The following ATXN7L1 variants were observed in gnomAD, a reference collection of about 807,000 sequenced individuals.
ATXN7L1 encodes ataxin-7-like protein 1.
In ATXN7L1, 15 loss-of-function variants were observed where a neutral mutation model predicts 70.8. That is an observed-to-expected ratio of 0.21 (90% CI 0.14 to 0.33). The LOEUF (loss-of-function observed/expected upper bound fraction) is 0.33, where lower values mean the gene tolerates loss of function less well. Ranked by LOEUF, ATXN7L1 falls within the 10% of genes least tolerant of loss-of-function variation. The pLI, the probability that ATXN7L1 is intolerant of heterozygous loss-of-function variation, is 1.00. For synonymous variants in ATXN7L1, 440 were observed against 445.1 expected (o/e 0.99, Z 0.14); for missense variants, 975 against 1,097.1 (o/e 0.89, Z 1.57).
At position 105,656,473 on chromosome 7, in the gene ATXN7L1, C is replaced by T. The variant is rs565524584; in HGVS notation, c.578+8593G>A. On this transcript the variant is annotated intron_variant, in intron 4 of 11. Transcript: ENST00000419735. The stretch of plus-strand genomic sequence containing the variant: ...GAAGGGGCCTCTGAGAGGCTGAGTA[C>T]AGGGCTGGGGATGCTGGGCAGCCTG... Among the ~76,000 whole-genome samples the T allele has an allele frequency of 9.4e-4, 143 of 152,240 alleles. 1 individual carries two copies. The highest frequency in any genetic ancestry group is 3.4e-3 in the African/African-American group (141 of 41,536).
At chr7:105,861,873 A>C (rs1816695557) in intron 2 of ATXN7L1, among the ~76,000 whole-genome samples, 1 of 152,242 alleles carries the variant, frequency 6.6e-6, no homozygotes, top group South Asian at 2.1e-4. Flanking sequence ...TCCATTTGGA[A>C]AGCAAATAAG....
intron 9 of ATXN7L1, among the ~76,000 whole-genome samples, chr7:105,619,140 G>GTTTTTGTTTTTTTT (rs1794384009): frequency 4.0e-5 from 2 of 49,844 alleles, no homozygotes; most frequent in Admixed American, 4.0e-4. Flanking sequence ...GAAATCTTTA[G>GTTTTTGTTTTTTTT]TTTTTTTTTT....
rs779503552 is a variant in ATXN7L1, at chr7:105,737,730, CA to C, written c.355+50873del. Among the ~76,000 whole-genome samples the C allele has an allele frequency of 3.0e-4, 45 of 152,132 alleles. 2 individuals are homozygous for C. Among genetic ancestry groups the C allele is most frequent in the Admixed American group, 1.2e-3 (18 of 15,278 alleles). ...TAGCTAACCCCAAATTCTCATTAAACAAAACAAAACATAAAAATAATGAAGG... is the reference window on the plus strand; with the variant it reads ...TAGCTAACCCCAAATTCTCATTAAACAAACAAAACATAAAAATAATGAAGG... On this transcript the variant is annotated intron_variant, in intron 3 of 11. Coordinates refer to ENST00000419735, the MANE Select transcript of ATXN7L1 (RefSeq NM_020725.2).
At chr7:105,814,304 ACTTGAT>A (rs1808868577) in intron 2 of ATXN7L1, among the ~76,000 whole-genome samples, 1 of 152,022 alleles carries the variant, frequency 6.6e-6, no homozygotes, top group African/African-American at 2.4e-5. Context: ...AACTCAATAA[ACTTGAT>A]CTTTGCCCCG....
At chr7:105,688,842 G>C (rs1005649801) in intron 3 of ATXN7L1, among the ~76,000 whole-genome samples, 13 of 152,206 alleles carry the variant, frequency 8.5e-5, no homozygotes, top group African/African-American at 2.7e-4. Context: ...GAAAATGTAT[G>C]ACTCCAGGTC....
intron 2 of ATXN7L1, among the ~76,000 whole-genome samples, chr7:105,859,269 G>A (rs1816198025): frequency 6.6e-6 from 1 of 152,046 alleles, no homozygotes; most frequent in Non-Finnish European, 1.5e-5. Flanking sequence ...TGTATGATGA[G>A]GCTCTGAGAA....
intron 3 of ATXN7L1, among the ~76,000 whole-genome samples, chr7:105,710,920 G>A (rs1793829620): frequency 6.6e-6 from 1 of 152,168 alleles, no homozygotes; most frequent in Admixed American, 6.5e-5. Flanking sequence ...AGAAGGCAAG[G>A]AGGAGCAAGT....
At chr7:105,774,964 C>T (rs548449235) in intron 3 of ATXN7L1, among the ~76,000 whole-genome samples, 1 of 152,246 alleles carries the variant, frequency 6.6e-6, no homozygotes, top group South Asian at 2.1e-4. Context: ...AATCTTAAGA[C>T]ATCTGTAGTT....
intron 2 of ATXN7L1, among the ~76,000 whole-genome samples, chr7:105,809,252 C>T (rs1808065296): frequency 6.6e-6 from 1 of 152,170 alleles, no homozygotes; most frequent in Non-Finnish European, 1.5e-5. Flanking sequence ...TTTTAAAAAA[C>T]AAGTTGTGGT....
chr7:105,742,672 G>A (rs902208534), intron 3 of ATXN7L1, among the ~76,000 whole-genome samples: 6 of 152,200 alleles, frequency 3.9e-5, no homozygotes, highest in African/African-American at 1.2e-4. Context: ...CTTACTCTGG[G>A]CAGGCACTTT....
At chr7:105,822,730 A>G (rs1047624077) in intron 2 of ATXN7L1, among the ~76,000 whole-genome samples, 3 of 152,252 alleles carry the variant, frequency 2.0e-5, no homozygotes, top group African/African-American at 7.2e-5. Context: ...CTTGCCCAGT[A>G]TCTCATAGCT....
chr7:105,721,431 GCTCAT>G (rs1795170908), intron 3 of ATXN7L1, among the ~76,000 whole-genome samples: 1 of 152,186 alleles, frequency 6.6e-6, no homozygotes, highest in South Asian at 2.1e-4. Context: ...CCTTGGAGCA[GCTCAT>G]CACTAATCAC....
chr7:105,638,288 A>G (rs1166089935), intron 7 of ATXN7L1, 65 bp downstream of exon 7: 30 of 1,492,886 alleles, frequency 2.0e-5, no homozygotes, highest in Non-Finnish European at 2.7e-5. Context: ...ACCACATGCC[A>G]CAGACCCAGC....
chr7:105,753,811 A>G (rs896814845), intron 3 of ATXN7L1, among the ~76,000 whole-genome samples: 1 of 152,210 alleles, frequency 6.6e-6, no homozygotes, highest in African/African-American at 2.4e-5. Context: ...TATGTTCACT[A>G]TTTATGGGAG....
At chr7:105,637,337 A>T (rs577152615) in intron 7 of ATXN7L1, among the ~76,000 whole-genome samples, 1 of 152,156 alleles carries the variant, frequency 6.6e-6, no homozygotes, top group Non-Finnish European at 1.5e-5. Context: ...TTCTTTTACG[A>T]CTATGTCCTC....
intron 4 of ATXN7L1, among the ~76,000 whole-genome samples, chr7:105,654,658 A>G (rs1406383329): frequency 1.3e-5 from 2 of 152,208 alleles, no homozygotes; most frequent in Non-Finnish European, 2.9e-5. Flanking sequence ...GGGCTATCAA[A>G]ACATCTAAAA....
At chr7:105,668,596 A>G (rs1223156853) in intron 3 of ATXN7L1, among the ~76,000 whole-genome samples, 1 of 152,082 alleles carries the variant, frequency 6.6e-6, no homozygotes, top group African/African-American at 2.4e-5. Flanking sequence ...TAATTTTTAT[A>G]TTTTTAGTAG....
intron 7 of ATXN7L1, 30 bp downstream of exon 7, chr7:105,638,323 C>A: frequency 6.5e-7 from 1 of 1,535,282 alleles, no homozygotes; most frequent in South Asian, 1.2e-5. Context: ...ACCAAGCATT[C>A]AGGGCTTCTA....
rs373925810 is a variant in ATXN7L1, at chr7:105,730,609, G to A, written c.355+57995C>T. On this transcript the variant is annotated intron_variant, in intron 3 of 11. Transcript: ENST00000419735. ...TAGCTGGGCGTGGTGGCATGTGCCT[G>A]TAATCCCAGCTACCCAGGAGGCTGA... 7.2e-5 allele frequency among the ~76,000 whole-genome samples: 11 copies of A among 152,282 alleles called. No individual in the cohort carries two copies. The East Asian group carries it at 7.7e-4, about 11-fold the overall frequency.
Sources: allele counts gnomAD v4.1 joint callset (sites outside exome capture counted in the v4.1 genomes callset), GRCh38; gene constraint gnomAD v4.1.1; transcripts MANE v1.5; gene names NCBI Gene and HGNC (gene_info 2026-07-23, HGNC 2026-07-21).